GALNTL6: variants seen among roughly 807,000 people sequenced by gnomAD.
GALNTL6 encodes the protein polypeptide N-acetylgalactosaminyltransferase-like 6.
In GALNTL6, 46 loss-of-function variants were observed where a neutral mutation model predicts 73.7. The ratio of observed to expected loss-of-function variants is 0.62; its 90% CI spans 0.49 to 0.80. The LOEUF (loss-of-function observed/expected upper bound fraction) is 0.80, where lower values mean the gene tolerates loss of function less well. GALNTL6 is among the 30% of genes least tolerant of loss of function. The pLI is 0.00. For synonymous variants in GALNTL6, 259 were observed against 263.7 expected (o/e 0.98, Z 0.17); for missense variants, 604 against 755.0 (o/e 0.80, Z 2.34).
intron 2 of GALNTL6, among the ~76,000 whole-genome samples, chr4:171,903,846 G>A (rs908163220): frequency 1.3e-5 from 2 of 152,106 alleles, no homozygotes; most frequent in Non-Finnish European, 1.5e-5. Flanking sequence ...CCTGACCCCT[G>A]AGCAGCCTAA....
intron 7 of GALNTL6, among the ~76,000 whole-genome samples, chr4:172,864,963 A>G (rs1390533001): frequency 1.3e-5 from 2 of 152,202 alleles, no homozygotes. Context: ...TCACTGTTAC[A>G]ATTATAGTTG....
intron 2 of GALNTL6, among the ~76,000 whole-genome samples, chr4:172,151,132 C>T (rs1016044498): frequency 2.6e-5 from 4 of 151,986 alleles, no homozygotes; most frequent in African/African-American, 9.7e-5. Flanking sequence ...ATCTGGTTAC[C>T]ATTCTATCTA....
At chr4:172,223,296 TTA>T (rs1448644467) in intron 2 of GALNTL6, among the ~76,000 whole-genome samples, 1 of 152,070 alleles carries the variant, frequency 6.6e-6, no homozygotes, top group Non-Finnish European at 1.5e-5. Flanking sequence ...CCAAAAAAAT[TTA>T]TGTTCTGATA....
chr4:172,542,928 TA>T lies in GALNTL6; in HGVS notation c.553+194250del, dbSNP rs567825878. The stretch of plus-strand genomic sequence containing the variant: ...CAATGTGGTGAAACCCTGTCTCTAC[TA>T]AAAAAAAAAATACAAAAATTAGCCG... On this transcript the variant is annotated intron_variant, in intron 5 of 12. Coordinates refer to ENST00000506823, the MANE Select transcript of GALNTL6 (RefSeq NM_001034845.3). 6.8e-4 allele frequency among the ~76,000 whole-genome samples: 99 copies of T among 145,230 alleles called. 1 individual carries two copies. The highest frequency in any genetic ancestry group is 7.8e-4 in the African/African-American group (31 of 39,830).
intron 2 of GALNTL6, among the ~76,000 whole-genome samples, chr4:172,056,445 T>C (rs924417602): frequency 1.3e-5 from 2 of 152,156 alleles, no homozygotes; most frequent in Admixed American, 6.5e-5. Flanking sequence ...AGAATATTTC[T>C]ATTTATATTT....
intron 5 of GALNTL6, among the ~76,000 whole-genome samples, chr4:172,526,238 C>T (rs1734948375): frequency 6.6e-6 from 1 of 152,132 alleles, no homozygotes; most frequent in Admixed American, 6.5e-5. Context: ...GTCATATTTA[C>T]TTTTCACTTT....
At chr4:172,026,692 C>A (rs1414798798) in intron 2 of GALNTL6, among the ~76,000 whole-genome samples, 1 of 152,058 alleles carries the variant, frequency 6.6e-6, no homozygotes, top group African/African-American at 2.4e-5. Context: ...TATATATACA[C>A]ATAACTGATC....
At position 172,959,531 on chromosome 4, in the gene GALNTL6, A is replaced by T. The variant is rs182206768; in HGVS notation, c.1371+7273A>T. 2.6e-5 allele frequency among the ~76,000 whole-genome samples: 4 copies of T among 152,088 alleles called. No homozygotes were observed. In the East Asian group the frequency reaches 5.8e-4, roughly 22 times the overall value. ...TGTGGAGTGAGTAGACTCCATGTTG[A>T]TTAAGAAGGGGATAGACTTACCCTC... On this transcript the variant is annotated intron_variant, in intron 10 of 12. Coordinates refer to ENST00000506823, the MANE Select transcript of GALNTL6 (RefSeq NM_001034845.3).
chr4:172,998,471 T>G (rs987362015), intron 10 of GALNTL6, among the ~76,000 whole-genome samples: 2 of 152,200 alleles, frequency 1.3e-5, no homozygotes, highest in Admixed American at 6.5e-5. Context: ...AATTCTGCTT[T>G]TCTCCTGTAT....
At chr4:172,623,421 GAAGAA>G (rs762573769) in intron 5 of GALNTL6, among the ~76,000 whole-genome samples, 1 of 151,952 alleles carries the variant, frequency 6.6e-6, no homozygotes, top group Non-Finnish European at 1.5e-5. Flanking sequence ...TAGAATGGAG[GAAGAA>G]AAGGAGGAAA....
chr4:172,778,006 C>T (rs1035857997), intron 5 of GALNTL6, among the ~76,000 whole-genome samples: 4 of 152,174 alleles, frequency 2.6e-5, no homozygotes, highest in African/African-American at 9.7e-5. Flanking sequence ...TTTATTGTCA[C>T]AACAATACTA....
At chr4:172,691,096 G>A (rs151092588) in intron 5 of GALNTL6, among the ~76,000 whole-genome samples, 5 of 152,290 alleles carry the variant, frequency 3.3e-5, no homozygotes, top group African/African-American at 9.6e-5. Flanking sequence ...GGAGGAGGCA[G>A]GAAAGTTTCC....
intron 5 of GALNTL6, among the ~76,000 whole-genome samples, chr4:172,401,953 G>GGAGA (rs70944407): frequency 6.5e-5 from 6 of 92,178 alleles, no homozygotes; most frequent in Admixed American, 1.2e-4. Context: ...GGGGGAGGGG[G>GGAGA]GAGAGAGAGA....
At chr4:172,478,572 G>A (rs553045931) in intron 5 of GALNTL6, among the ~76,000 whole-genome samples, 1 of 152,244 alleles carries the variant, frequency 6.6e-6, no homozygotes, top group East Asian at 1.9e-4. Context: ...AGAAACCCTA[G>A]GAAACACTAT....
At chr4:172,313,013 C>A (rs1220336884) in intron 4 of GALNTL6, among the ~76,000 whole-genome samples, 1 of 151,992 alleles carries the variant, frequency 6.6e-6, no homozygotes, top group Non-Finnish European at 1.5e-5. Context: ...TTTCTAGTTA[C>A]GAGAAATTTT....
intron 7 of GALNTL6, among the ~76,000 whole-genome samples, chr4:172,841,647 G>T (rs1743213851): frequency 6.6e-6 from 1 of 152,156 alleles, no homozygotes; most frequent in Admixed American, 6.5e-5. Context: ...GAGAGTGTGT[G>T]AGTGCACAGG....
chr4:171,821,987 T>G (rs1734697020), intron 2 of GALNTL6, among the ~76,000 whole-genome samples: 1 of 152,132 alleles, frequency 6.6e-6, no homozygotes, highest in South Asian at 2.1e-4. Context: ...ATCCAAAAGT[T>G]GAAGCTTTTA....
In GALNTL6 at chr4:172,336,866, C is replaced by G. The variant is rs533344381; in HGVS notation, c.387-11657C>G. Reference sequence around the variant, plus strand: ...GTGTTGCAGCACCCCTCCACCCCGTCCATTATTGTATGACTGTGTCTTTTT... The same window carrying G: ...GTGTTGCAGCACCCCTCCACCCCGTGCATTATTGTATGACTGTGTCTTTTT... On this transcript the variant is annotated intron_variant, in intron 4 of 12. Coordinates refer to ENST00000506823, the MANE Select transcript of GALNTL6 (RefSeq NM_001034845.3). 2.0e-5 allele frequency among the ~76,000 whole-genome samples: 3 copies of G among 152,192 alleles called. No individual in the cohort carries two copies. In the East Asian group the frequency reaches 5.8e-4, roughly 29 times the overall value.
At position 172,898,160 on chromosome 4, in the gene GALNTL6, G is replaced by A. The variant is rs151109180; in HGVS notation, c.1041+15253G>A. 1.9e-3 allele frequency among the ~76,000 whole-genome samples: 286 copies of A among 152,002 alleles called. 1 individual carries two copies. The highest frequency in any genetic ancestry group is 6.5e-3 in the African/African-American group (270 of 41,492). On this transcript the variant is annotated intron_variant, in intron 8 of 12. Transcript: ENST00000506823. ...ATTTCAAAATTGCAATAACAGAAGAGGAAACTTAAAAATACAAATAACAGT... is the reference window on the plus strand; with the variant it reads ...ATTTCAAAATTGCAATAACAGAAGAAGAAACTTAAAAATACAAATAACAGT...
Sources: allele counts gnomAD v4.1 joint callset (sites outside exome capture counted in the v4.1 genomes callset), GRCh38; gene constraint gnomAD v4.1.1; transcripts MANE v1.5; gene names NCBI Gene and HGNC (gene_info 2026-07-23, HGNC 2026-07-21).